Variants in KAZN observed in about 807,000 individuals in gnomAD.
The protein encoded by KAZN is kazrin.
KAZN carries 40 observed loss-of-function variants against 87.4 expected under a neutral mutation model. That is an observed-to-expected ratio of 0.46 (90% confidence interval 0.36 to 0.60). The LOEUF is 0.60. Ranked by LOEUF, KAZN falls within the 20% of genes least tolerant of loss-of-function variation. KAZN has a pLI of 0.00. For synonymous variants in KAZN, 466 were observed against 458.3 expected (o/e 1.02, Z -0.22); for missense variants, 898 against 1,073.9 (o/e 0.84, Z 2.29).
chr1:14,742,965 T>G (rs1415854504), intron 1 of KAZN, among the ~76,000 whole-genome samples: 1 of 114,006 alleles, frequency 8.8e-6, no homozygotes, highest in Non-Finnish European at 1.9e-5. Context: ...CAGATGCTCC[T>G]GCACTCACCA....
At chr1:13,991,444 A>G (rs1471521639) in intron 1 of KAZN, among the ~76,000 whole-genome samples, 2 of 146,696 alleles carry the variant, frequency 1.4e-5, no homozygotes, top group Non-Finnish European at 3.0e-5. Flanking sequence ...TATGATAATA[A>G]AAAAAGGGGA....
At chr1:14,855,428 A>G (rs950913343) in intron 1 of KAZN, among the ~76,000 whole-genome samples, 1 of 152,076 alleles carries the variant, frequency 6.6e-6, no homozygotes, top group African/African-American at 2.4e-5. Flanking sequence ...CCACCAACAC[A>G]CATCTGACTC....
intron 1 of KAZN, among the ~76,000 whole-genome samples, chr1:14,663,766 C>CAAA (rs1639337749): frequency 6.6e-6 from 1 of 152,186 alleles, no homozygotes. Flanking sequence ...GATGATTCCT[C>CAAA]AAACATTTTG....
At chr1:14,984,750 A>T (rs998190963) in intron 2 of KAZN, among the ~76,000 whole-genome samples, 2 of 152,218 alleles carry the variant, frequency 1.3e-5, no homozygotes, top group African/African-American at 4.8e-5. Flanking sequence ...GCAAGAATGC[A>T]TTCAAAGACA....
chr1:14,884,348 C>T (rs952204811), intron 1 of KAZN, among the ~76,000 whole-genome samples: 3 of 152,104 alleles, frequency 2.0e-5, no homozygotes, highest in Admixed American at 6.6e-5. Context: ...ACCCAGATCA[C>T]ACCACTGCAC....
intron 1 of KAZN, among the ~76,000 whole-genome samples, chr1:14,737,154 T>C (rs1398043011): frequency 6.6e-6 from 1 of 152,010 alleles, no homozygotes; most frequent in Non-Finnish European, 1.5e-5. Context: ...TGAGCAGAGA[T>C]GTGAAGGAGA....
chr1:13,972,198 C>T (rs1642160581), intron 1 of KAZN, among the ~76,000 whole-genome samples: 2 of 151,776 alleles, frequency 1.3e-5, no homozygotes, highest in South Asian at 4.2e-4. Context: ...CAGTCAGCAA[C>T]CATGAAGAAG....
intron 1 of KAZN, among the ~76,000 whole-genome samples, chr1:14,947,688 T>C (rs928725559): frequency 3.1e-5 from 3 of 96,830 alleles, no homozygotes; most frequent in African/African-American, 1.6e-4. Flanking sequence ...AACAAACCTG[T>C]TGAAGCCTCC....
At chr1:14,589,134 C>A (rs897166966) in intron 2 of KAZN, among the ~76,000 whole-genome samples, 2 of 152,106 alleles carry the variant, frequency 1.3e-5, no homozygotes, top group Non-Finnish European at 2.9e-5. Flanking sequence ...GCTGGCTGTT[C>A]CTGGGTGAAG....
chr1:14,440,395 A>C (rs1029224343), intron 2 of KAZN, among the ~76,000 whole-genome samples: 1 of 152,216 alleles, frequency 6.6e-6, no homozygotes, highest in East Asian at 1.9e-4. Flanking sequence ...TGCTGTAGAC[A>C]TGAAGGATCG....
chr1:14,213,914 C>T (rs558211513), intron 2 of KAZN, among the ~76,000 whole-genome samples: 1 of 152,252 alleles, frequency 6.6e-6, no homozygotes, highest in Admixed American at 6.5e-5. Flanking sequence ...ACTGATGCAT[C>T]ATATGTGGGA....
intron 2 of KAZN, among the ~76,000 whole-genome samples, chr1:14,522,205 ATAGGCACGGCTGTATAATGTC>A (rs1217840965): frequency 6.6e-6 from 1 of 152,174 alleles, no homozygotes; most frequent in Non-Finnish European, 1.5e-5. Flanking sequence ...CTCTCCTGGC[ATAGGCACGGCTGTATAATGTC>A]TTCGTTCTCC....
intron 2 of KAZN, among the ~76,000 whole-genome samples, chr1:14,319,020 TTATTTA>T (rs1476119815): frequency 1.9e-4 from 18 of 94,496 alleles, no homozygotes; most frequent in Non-Finnish European, 2.9e-4. Flanking sequence ...TTTTATTTAT[TTATTTA>T]TTTATTTATT....
chr1:14,380,887 A>C (rs567432344), intron 2 of KAZN, among the ~76,000 whole-genome samples: 1 of 152,382 alleles, frequency 6.6e-6, no homozygotes, highest in South Asian at 2.1e-4. Context: ...ATAGAATACC[A>C]AGCAGTTTAA....
At chr1:14,294,370 G>T (rs1653951511) in intron 2 of KAZN, among the ~76,000 whole-genome samples, 4 of 152,130 alleles carry the variant, frequency 2.6e-5, no homozygotes, top group Admixed American at 2.6e-4. Context: ...CCCACTTGCA[G>T]ATATACTGCA....
At chr1:14,386,866 G>A (rs1000788950) in intron 2 of KAZN, among the ~76,000 whole-genome samples, 2 of 152,124 alleles carry the variant, frequency 1.3e-5, no homozygotes, top group African/African-American at 4.8e-5. Flanking sequence ...GGCCTGCCTT[G>A]CTGGATTGGG....
At chr1:14,183,334 G>A (rs1244911427) in intron 2 of KAZN, among the ~76,000 whole-genome samples, 1 of 152,166 alleles carries the variant, frequency 6.6e-6, no homozygotes, top group East Asian at 1.9e-4. Context: ...AATCGCGAAG[G>A]GAGCACCTCA....
chr1:15,042,383 A>G (rs1673010410), intron 3 of KAZN, among the ~76,000 whole-genome samples: 1 of 152,202 alleles, frequency 6.6e-6, no homozygotes, highest in African/African-American at 2.4e-5. Flanking sequence ...ACAGACCAGT[A>G]TCAGCTTCAA....
At chr1:14,417,649 C>G (rs1664911694) in intron 2 of KAZN, among the ~76,000 whole-genome samples, 1 of 152,088 alleles carries the variant, frequency 6.6e-6, no homozygotes, top group African/African-American at 2.4e-5. Flanking sequence ...GAAAGAACAG[C>G]CTTGGTCTTT....
Sources: gnomAD v4.1 joint callset for allele counts (sites outside exome capture counted in the v4.1 genomes callset) on GRCh38, gnomAD v4.1.1 for gene constraint, MANE v1.5 for transcripts, NCBI Gene and HGNC (gene_info 2026-07-23, HGNC 2026-07-21) for gene names.